BLTP2: variants seen among roughly 807,000 people sequenced by gnomAD.
The protein encoded by BLTP2 is U937-associated antigen.
the BLTP2 span, chr17:28,632,283 C>A: frequency 2.0e-6 from 3 of 1,536,280 alleles, no homozygotes; most frequent in Non-Finnish European, 1.8e-6. Flanking sequence ...GGATGAAACA[C>A]AGAGGTAAAG....
At chr17:28,622,008 C>CA in the BLTP2 span, among the ~76,000 whole-genome samples, 2 of 151,742 alleles carry the variant, frequency 1.3e-5, no homozygotes, top group Admixed American at 6.6e-5. Context: ...TGACAAGTCT[C>CA]AAAAAAATAT....
chr17:28,640,705 G>GT, the BLTP2 span: 23 of 1,612,030 alleles, frequency 1.4e-5, no homozygotes, highest in Admixed American at 3.3e-5. Flanking sequence ...AATGAATAAC[G>GT]TAAGAACCAT....
the BLTP2 span, chr17:28,620,748 T>C: frequency 8.5e-7 from 1 of 1,174,702 alleles, no homozygotes. Context: ...GGGTGAGAGT[T>C]GCTCATGGGC....
At chr17:28,639,022 C>A in the BLTP2 span, 8 of 479,022 alleles carry the variant, frequency 1.7e-5, no homozygotes, top group South Asian at 8.9e-5. Context: ...ACCTTACAAT[C>A]AAAGGCAGGC....
chr17:28,637,049 A>G, the BLTP2 span: 2 of 1,614,186 alleles, frequency 1.2e-6, no homozygotes, highest in South Asian at 1.1e-5. Flanking sequence ...GGGCCTTGCA[A>G]CAGGGTTGCA....
chr17:28,615,224 A>G, the BLTP2 span: 1 of 1,609,150 alleles, frequency 6.2e-7, no homozygotes, highest in Non-Finnish European at 8.5e-7. Context: ...TGCAGACTTC[A>G]GCCTTAGCTT....
the BLTP2 span, chr17:28,634,402 A>C: frequency 7.2e-4 from 592 of 822,408 alleles, no homozygotes; most frequent in Non-Finnish European, 1.0e-3. Context: ...ATCCCACTCC[A>C]CCCACCCAAA....
chr17:28,640,901 G>C, the BLTP2 span, among the ~76,000 whole-genome samples: 1 of 152,214 alleles, frequency 6.6e-6, no homozygotes, highest in Non-Finnish European at 1.5e-5. Flanking sequence ...GAGCAGGTTG[G>C]TAAATGAAAA....
At chr17:28,637,042 C>T in the BLTP2 span, 1 of 1,614,126 alleles carries the variant, frequency 6.2e-7, no homozygotes, top group South Asian at 1.1e-5. Flanking sequence ...ATGTCAGGGG[C>T]CTTGCAACAG....
chr17:28,621,568 A>T, the BLTP2 span: 1 of 1,108,176 alleles, frequency 9.0e-7, no homozygotes, highest in Non-Finnish European at 1.4e-6. Flanking sequence ...ATTGGGTGAC[A>T]GATCTCCATG....
chr17:28,623,891 G>A, the BLTP2 span: 1 of 1,614,152 alleles, frequency 6.2e-7, no homozygotes, highest in East Asian at 2.2e-5. Flanking sequence ...GCTGGATGGT[G>A]CTGGCACTGC....
At chr17:28,617,761 CTTATT>C in the BLTP2 span, among the ~76,000 whole-genome samples, 1 of 151,984 alleles carries the variant, frequency 6.6e-6, no homozygotes, top group Admixed American at 6.6e-5. Flanking sequence ...GTATCTGTAT[CTTATT>C]TTTATTTTTT....
the BLTP2 span, chr17:28,634,223 C>G: frequency 1.3e-6 from 1 of 788,842 alleles, no homozygotes; most frequent in Non-Finnish European, 2.0e-6. Flanking sequence ...GCAGTTGACA[C>G]AGCAAGCTGA....
chr17:28,644,058 C>G, the BLTP2 span: 2 of 1,614,140 alleles, frequency 1.2e-6, no homozygotes, highest in Non-Finnish European at 1.7e-6. Context: ...CAGAACTCAC[C>G]ACTGTTTGCT....
chr17:28,622,098 C>T, the BLTP2 span, among the ~76,000 whole-genome samples: 1 of 151,838 alleles, frequency 6.6e-6, no homozygotes, highest in South Asian at 2.1e-4. Context: ...CTGAGGGGGG[C>T]GGGGGGAAAG....
chr17:28,644,878 T>C, the BLTP2 span: 109 of 701,566 alleles, frequency 1.6e-4, no homozygotes, highest in African/African-American at 5.3e-4. Context: ...CTACCCACTC[T>C]GCCTCACGCG....
chr17:28,623,667 G>C, the BLTP2 span: 1 of 1,033,042 alleles, frequency 9.7e-7, no homozygotes, highest in Non-Finnish European at 1.5e-6. Flanking sequence ...TGCTAAGCTA[G>C]TAACAGCAGG....
chr17:28,634,494 C>A, the BLTP2 span: 4 of 1,595,232 alleles, frequency 2.5e-6, no homozygotes, highest in African/African-American at 1.3e-5. Context: ...ACGGGGTCTG[C>A]AAATAAAGGA....
chr17:28,634,489 G>A, the BLTP2 span: 24 of 1,591,340 alleles, frequency 1.5e-5, no homozygotes, highest in Admixed American at 4.2e-4. Flanking sequence ...CAAACACGGG[G>A]TCTGCAAATA....
Sources: gnomAD v4.1 joint callset for allele counts (sites outside exome capture counted in the v4.1 genomes callset) on GRCh38, gnomAD v4.1.1 for gene constraint, MANE v1.5 for transcripts, NCBI Gene and HGNC (gene_info 2026-07-23, HGNC 2026-07-21) for gene names.